The following RABGAP1L variants were observed in gnomAD, a reference collection of about 807,000 sequenced individuals.
RABGAP1L encodes rab GTPase-activating protein 1-like.
A neutral mutation model predicts 137.7 loss-of-function variants in RABGAP1L; 63 were observed. That is an observed-to-expected ratio of 0.46 (90% CI 0.37 to 0.56). The LOEUF is 0.56. Ranked by LOEUF, RABGAP1L falls within the 20% of genes least tolerant of loss-of-function variation. The pLI is 0.00. For missense variants in RABGAP1L, 1,095 were observed against 1,244.0 expected, an observed-to-expected ratio of 0.88 and a Z score of 1.80; for synonymous variants, 431 against 433.7, an observed-to-expected ratio of 0.99 and a Z score of 0.08.
intron 13 of RABGAP1L, among the ~76,000 whole-genome samples, chr1:174,399,312 T>C (rs764561661): frequency 1.3e-5 from 2 of 152,152 alleles, no homozygotes; most frequent in Admixed American, 6.6e-5. Flanking sequence ...TCTGAGCTTA[T>C]AGTCACTAAG....
intron 13 of RABGAP1L, among the ~76,000 whole-genome samples, chr1:174,490,626 A>G (rs887975983): frequency 6.6e-6 from 1 of 152,152 alleles, no homozygotes; most frequent in Non-Finnish European, 1.5e-5. Flanking sequence ...ATCAGCAGGT[A>G]GCAATGCCAG....
At chr1:174,274,093 CAA>C (rs1307775640) in intron 8 of RABGAP1L, among the ~76,000 whole-genome samples, 1 of 152,062 alleles carries the variant, frequency 6.6e-6, no homozygotes, top group Non-Finnish European at 1.5e-5. Context: ...CTGGTTATTA[CAA>C]AGTTATTTTT....
intron 13 of RABGAP1L, among the ~76,000 whole-genome samples, chr1:174,552,782 G>A (rs1666638415): frequency 6.6e-6 from 1 of 152,014 alleles, no homozygotes; most frequent in Non-Finnish European, 1.5e-5. Flanking sequence ...CTGTCTTTAG[G>A]TCTTTGAGGA....
Position 174,176,741 on chromosome 1 carries a change from A to AAAAAAAATAAAAT in RABGAP1L, c.-34+17089_-34+17090insAATAAAATAAAAA, listed in dbSNP as rs755688394. On this transcript the variant is annotated intron_variant, in intron 1 of 25. Coordinates refer to ENST00000681986, the MANE Select transcript of RABGAP1L (RefSeq NM_001366446.1). ...AAAAAAAAAAAAAAAAAAAAAAAAA[A>AAAAAAAATAAAAT]AAAAAGGTCAACATTTGTTAATACT... is the stretch of plus-strand genomic sequence containing the variant. 8.7e-4 allele frequency among the ~76,000 whole-genome samples: 97 copies of AAAAAAAATAAAAT among 111,800 alleles called. 1 individual carries two copies. The highest frequency in any genetic ancestry group is 1.3e-3 in the Non-Finnish European group (70 of 54,878). 73.3% of individuals were successfully genotyped at this position (111,800 alleles called of 152,430 possible). A position where few individuals can be genotyped will look rare whatever the true frequency, so the allele number is the denominator to read the frequency against.
chr1:174,396,049 A>G (rs1052214577), intron 13 of RABGAP1L, among the ~76,000 whole-genome samples: 1 of 152,154 alleles, frequency 6.6e-6, no homozygotes, highest in Non-Finnish European at 1.5e-5. Context: ...ATAAACTGCT[A>G]TAACAAACAT....
At chr1:174,501,205 C>T (rs1245444848) in intron 13 of RABGAP1L, among the ~76,000 whole-genome samples, 2 of 150,592 alleles carry the variant, frequency 1.3e-5, no homozygotes, top group South Asian at 4.2e-4. Flanking sequence ...GATTTTCTCA[C>T]TTTGTTTACT....
chr1:174,911,901 A>G (rs112569660), intron 19 of RABGAP1L, among the ~76,000 whole-genome samples: 67 of 152,318 alleles, frequency 4.4e-4, no homozygotes, highest in African/African-American at 1.5e-3. Flanking sequence ...TTTCTCTGCC[A>G]GTAGCCTCTC....
chr1:174,283,424 A>G (rs1049259607), intron 10 of RABGAP1L, among the ~76,000 whole-genome samples: 3 of 152,038 alleles, frequency 2.0e-5, no homozygotes, highest in African/African-American at 7.2e-5. Flanking sequence ...TAATAATAAA[A>G]AAAAGAAAAA....
intron 18 of RABGAP1L, among the ~76,000 whole-genome samples, chr1:174,778,554 G>T (rs1686714245): frequency 6.6e-6 from 1 of 152,012 alleles, no homozygotes; most frequent in Non-Finnish European, 1.5e-5. Context: ...ACTTTGGTGG[G>T]TTTCTCTTCC....
chr1:174,676,043 T>C (rs1460008047), intron 14 of RABGAP1L, among the ~76,000 whole-genome samples: 1 of 152,130 alleles, frequency 6.6e-6, no homozygotes, highest in Non-Finnish European at 1.5e-5. Flanking sequence ...AAATACTACC[T>C]TGATTTACCA....
In RABGAP1L at chr1:174,250,597, G is replaced by A. The variant is rs754011377; in HGVS notation, c.840G>A (p.Leu280=). 4 of 1,612,936 alleles carry A rather than the reference G, an allele frequency of 2.5e-6. No individual in the cohort carries two copies. The Admixed American group carries it at 5.0e-5, about 20-fold the overall frequency. ...DSDVFTFSVS[L]EVKEDDGKGN... ...ATGTGTTTACCTTCAGTGTCTCCTT[G>A]GAGGTAAAAGAAGACGATGGAAAAG... Residue 280 remains leucine, a synonymous_variant, in exon 6 of 26, where the codon TTG becomes TTA. Transcript: ENST00000681986.
intron 13 of RABGAP1L, 42 bp from the exon 14 acceptor site, chr1:174,637,333 G>A (rs368572219): frequency 1.5e-5 from 21 of 1,381,862 alleles, no homozygotes; most frequent in Non-Finnish European, 2.0e-5. Context: ...TTCATAACTG[G>A]GAAAAAATTT....
intron 15 of RABGAP1L, among the ~76,000 whole-genome samples, chr1:174,690,335 C>T (rs760355760): frequency 6.6e-6 from 1 of 152,090 alleles, no homozygotes; most frequent in African/African-American, 2.4e-5. Context: ...TTGTACCTAG[C>T]ACAAAAATAA....
At chr1:174,571,884 AG>A (rs1668005125) in intron 13 of RABGAP1L, among the ~76,000 whole-genome samples, 1 of 152,238 alleles carries the variant, frequency 6.6e-6, no homozygotes, top group Admixed American at 6.5e-5. Context: ...AGCTGCAAAC[AG>A]AAATTCTTAT....
intron 19 of RABGAP1L, among the ~76,000 whole-genome samples, chr1:174,950,384 T>A (rs1667525774): frequency 6.6e-6 from 1 of 152,226 alleles, no homozygotes; most frequent in Non-Finnish European, 1.5e-5. Context: ...CCTCTCCTCC[T>A]AGTGCTAAAA....
At chr1:174,795,763 C>T (rs1305598423) in intron 18 of RABGAP1L, among the ~76,000 whole-genome samples, 1 of 152,104 alleles carries the variant, frequency 6.6e-6, no homozygotes, top group Non-Finnish European at 1.5e-5. Context: ...TTTATAGAGA[C>T]AAGGTTTTTG....
intron 12 of RABGAP1L, among the ~76,000 whole-genome samples, chr1:174,385,248 C>T (rs1686660632): frequency 6.6e-6 from 1 of 152,156 alleles, no homozygotes; most frequent in Admixed American, 6.5e-5. Flanking sequence ...ACTGTATTTG[C>T]TTCTCTTTTC....
At chr1:174,524,265 A>G (rs1663686678) in intron 13 of RABGAP1L, among the ~76,000 whole-genome samples, 1 of 151,614 alleles carries the variant, frequency 6.6e-6, no homozygotes, top group Admixed American at 6.6e-5. Context: ...TTATATTCCT[A>G]CCAACAGCGT....
At chr1:174,848,994 G>A (rs1366743704) in intron 19 of RABGAP1L, among the ~76,000 whole-genome samples, 2 of 152,082 alleles carry the variant, frequency 1.3e-5, no homozygotes, top group Non-Finnish European at 2.9e-5. Context: ...CGATTTTCCA[G>A]GTGCGTCCGT....
Sources: gnomAD v4.1 joint callset for allele counts (sites outside exome capture counted in the v4.1 genomes callset) on GRCh38, gnomAD v4.1.1 for gene constraint, MANE v1.5 for transcripts, NCBI Gene and HGNC (gene_info 2026-07-23, HGNC 2026-07-21) for gene names.